The following JAK2 variants were observed in gnomAD, a reference collection of about 807,000 sequenced individuals.
The protein encoded by JAK2 is Janus kinase 2.
Under a neutral mutation model 139.3 loss-of-function variants are expected in JAK2, and 86 were observed. That is an observed-to-expected ratio of 0.62 (90% CI 0.52 to 0.74). The LOEUF (loss-of-function observed/expected upper bound fraction) is 0.74. Among genes scored for constraint, JAK2 ranks in the 30% least tolerant of loss-of-function variants. The pLI, the probability that JAK2 is intolerant of heterozygous loss-of-function variation, is 0.00. For missense variants in JAK2, 1,421 were observed against 1,360.3 expected (o/e 1.04, Z -0.70); for synonymous variants, 490 against 437.7 (o/e 1.12, Z -1.49).
In JAK2 at chr9:5,035,123, G is replaced by C. The variant is rs1823478794; in HGVS notation, c.350+5217G>C. On this transcript the variant is annotated intron_variant, in intron 4 of 24. Coordinates refer to ENST00000381652, the MANE Select transcript of JAK2 (RefSeq NM_004972.4). Reference sequence around the variant, plus strand: ...TAAACACCTCTACATGAATAAACTAGAAAATCTAGAATAAATGGATAAATT... The same window carrying C: ...TAAACACCTCTACATGAATAAACTACAAAATCTAGAATAAATGGATAAATT... 2.0e-5 allele frequency among the ~76,000 whole-genome samples: 3 copies of C among 152,160 alleles called. No individual in the cohort carries two copies. The South Asian group carries it at 6.2e-4, about 32-fold the overall frequency.
chr9:5,090,513 A>C lies in JAK2; in HGVS notation c.2829A>C (p.Lys943Asn). ...PYGSLRDYLQ[K>N]HKERIDHIKL... ...GAAGTTTACGAGACTATCTTCAAAA[A>C]CATAAAGAACGGATAGATCACATAA... The change falls in exon 21 of 25, where the codon AAA becomes AAC. Residue 943 changes from lysine (K) to asparagine (N), a missense_variant. Transcript: ENST00000381652. The C allele has an allele frequency of 1.1e-5, 17 of 1,594,292 alleles. No individual in the cohort carries two copies. The highest frequency in any genetic ancestry group is 1.5e-5 in the Non-Finnish European group (17 of 1,169,860).
At chr9:5,005,727 A>C (rs1409498667) in intron 2 of JAK2, among the ~76,000 whole-genome samples, 1 of 152,192 alleles carries the variant, frequency 6.6e-6, no homozygotes, top group Non-Finnish European at 1.5e-5. Context: ...AGTTTGTATA[A>C]GCTCAATGTT....
intron 2 of JAK2, among the ~76,000 whole-genome samples, chr9:5,016,875 A>C (rs1439719822): frequency 6.6e-6 from 1 of 152,220 alleles, no homozygotes; most frequent in African/African-American, 2.4e-5. Flanking sequence ...CTGCTAAAAT[A>C]ATTTAGAGGG....
chr9:5,114,323 T>C (rs1822935997), intron 22 of JAK2: 3 of 540,994 alleles, frequency 5.5e-6, no homozygotes, highest in African/African-American at 1.9e-5. Flanking sequence ...GTGGGAAGTC[T>C]GTGGCTCAGG....
chr9:5,086,631 T>C (rs1820134808), intron 19 of JAK2, among the ~76,000 whole-genome samples: 1 of 152,246 alleles, frequency 6.6e-6, no homozygotes, highest in Non-Finnish European at 1.5e-5. Flanking sequence ...CCCAAAGTTA[T>C]GATTATGTTA....
upstream of JAK2, chr9:4,984,668 G>T (rs1341375761): frequency 6.6e-6 from 1 of 152,408 alleles, no homozygotes; most frequent in Non-Finnish European, 1.5e-5. Context: ...GAGGTGGAAG[G>T]AAAAGCCGAA....
At chr9:5,078,265 G>A in intron 15 of JAK2, 41 bp from the exon 16 acceptor site, 1 of 1,564,454 alleles carries the variant, frequency 6.4e-7, no homozygotes, top group Non-Finnish European at 8.7e-7. Context: ...TCCAGTACTT[G>A]TGGACTGATA....
chr9:5,028,697 T>A (rs955616024), intron 3 of JAK2, among the ~76,000 whole-genome samples: 20 of 152,240 alleles, frequency 1.3e-4, no homozygotes, highest in African/African-American at 4.3e-4. Context: ...CAACACTTGC[T>A]GCTTCACCTT....
In JAK2 at chr9:5,080,599, A is replaced by C; in HGVS notation, c.2350A>C (p.Ile784Leu). Residue 784 changes from isoleucine (I) to leucine (L), a missense_variant, in exon 18 of 25, where the codon ATA becomes CTA. Transcript: ENST00000381652. ...AAAGTGGGCAGAATTAGCAAACCTT[A>C]TAAATAATTGTATGGATTATGAACC... is the stretch of plus-strand genomic sequence containing the variant. ...APKWAELANLINNCMDYEPDF... is the reference protein window; with the variant it reads ...APKWAELANLLNNCMDYEPDF... 1 of 1,608,630 alleles carries C rather than the reference A, an allele frequency of 6.2e-7. No homozygotes were observed. Among genetic ancestry groups the C allele is most frequent in the Non-Finnish European group, 8.5e-7 (1 of 1,178,502 alleles).
chr9:5,003,803 C>T (rs770417250), intron 2 of JAK2, among the ~76,000 whole-genome samples: 1 of 151,932 alleles, frequency 6.6e-6, no homozygotes, highest in Non-Finnish European at 1.5e-5. Flanking sequence ...AGAACAAGAT[C>T]AATATTTTAC....
intron 2 of JAK2, among the ~76,000 whole-genome samples, chr9:5,016,766 C>G (rs1272632133): frequency 1.3e-5 from 2 of 152,164 alleles, no homozygotes; most frequent in African/African-American, 4.8e-5. Flanking sequence ...TATCCCAACC[C>G]TGCCAAGCTA....
intron 22 of JAK2, chr9:5,111,138 C>A (rs1368188336): frequency 2.0e-6 from 2 of 993,584 alleles, no homozygotes; most frequent in Non-Finnish European, 3.0e-6. Flanking sequence ...GGACGTTCAG[C>A]GAAGGCGCTC....
At chr9:5,084,624 CTA>C (rs1261607602) in intron 19 of JAK2, among the ~76,000 whole-genome samples, 4 of 152,060 alleles carry the variant, frequency 2.6e-5, no homozygotes, top group Non-Finnish European at 2.9e-5. Flanking sequence ...TATTTGAAAT[CTA>C]GAGTGTTTTT....
Position 5,127,723 on chromosome 9 carries a change from C to T in JAK2, c.*932C>T, listed in dbSNP as rs137882687. The T allele has an allele frequency of 1.2e-4, 29 of 232,380 alleles. No homozygotes were observed. The East Asian group carries it at 1.7e-3, about 14-fold the overall frequency. The allele number at this position is 232,380 out of a possible 1,614,324, so 14.4% of individuals were successfully genotyped here. A position where few individuals can be genotyped will look rare whatever the true frequency, so the allele number is the denominator to read the frequency against. On this transcript the variant is annotated 3_prime_UTR_variant, in exon 25 of 25. Transcript: ENST00000381652. Reference sequence around the variant, plus strand: ...TTTATGCTCATGAACTAAATTTAAGCTTAAGCCATAAAATAGATTAGATTG... The same window carrying T: ...TTTATGCTCATGAACTAAATTTAAGTTTAAGCCATAAAATAGATTAGATTG...
intron 22 of JAK2, among the ~76,000 whole-genome samples, chr9:5,119,632 C>T (rs536397719): frequency 6.6e-6 from 1 of 152,176 alleles, no homozygotes; most frequent in African/African-American, 2.4e-5. Context: ...AAGATTATAA[C>T]TTATGAAGTA....
At chr9:5,009,805 C>G (rs1300426502) in intron 2 of JAK2, among the ~76,000 whole-genome samples, 1 of 150,998 alleles carries the variant, frequency 6.6e-6, no homozygotes, top group Non-Finnish European at 1.5e-5. Flanking sequence ...CAGTCTTGCT[C>G]TGTTGCCCAG....
At chr9:5,013,712 T>C (rs1821858957) in intron 2 of JAK2, among the ~76,000 whole-genome samples, 1 of 152,254 alleles carries the variant, frequency 6.6e-6, no homozygotes, top group African/African-American at 2.4e-5. Flanking sequence ...GTGAAACTTC[T>C]AAAACCTTTC....
intron 16 of JAK2, 134 bp from the exon 17 acceptor site, chr9:5,080,095 G>A (rs1213433138): frequency 4.8e-6 from 3 of 629,154 alleles, no homozygotes; most frequent in Non-Finnish European, 5.4e-6. Flanking sequence ...ATGTGCATGT[G>A]CACATCCAAC....
At position 5,081,621 on chromosome 9, in the gene JAK2, G is replaced by A. The variant is rs1819706502; in HGVS notation, c.2435-104G>A. The A allele has an allele frequency of 9.7e-6, 7 of 722,582 alleles. No homozygotes were observed. The South Asian group carries it at 1.2e-4, about 12-fold the overall frequency. The allele number at this position is 722,582 out of a possible 1,614,324, so 44.8% of individuals were successfully genotyped here. A position where few individuals can be genotyped will look rare whatever the true frequency, so the allele number is the denominator to read the frequency against. On this transcript the variant is annotated intron_variant, in intron 18 of 24. Transcript: ENST00000381652. The stretch of plus-strand genomic sequence containing the variant: ...TATTTGAGTTTCCCTGTATCATTTA[G>A]TATTTTTAACTCACGATTATTTTGG...
Sources: allele counts gnomAD v4.1 joint callset (sites outside exome capture counted in the v4.1 genomes callset), GRCh38; gene constraint gnomAD v4.1.1; transcripts MANE v1.5; gene names NCBI Gene and HGNC (gene_info 2026-07-23, HGNC 2026-07-21).